The following TDRD9 variants were observed in gnomAD, a reference collection of about 807,000 sequenced individuals.
TDRD9 encodes ATP-dependent RNA helicase TDRD9.
Under a neutral mutation model 172.6 loss-of-function variants are expected in TDRD9, and 124 were observed. The observed-to-expected ratio is 0.72, with a 90% CI of 0.62 to 0.83. The LOEUF is 0.83. Among genes scored for constraint, TDRD9 ranks in the 40% least tolerant of loss-of-function variants. The probability of loss-of-function intolerance (pLI) is 0.00; values close to 1 mark genes in which losing one functional copy is unlikely to be tolerated. For missense variants in TDRD9, 1,479 were observed against 1,714.1 expected (o/e 0.86, Z 2.42); for synonymous variants, 619 against 617.1 (o/e 1.00, Z -0.05).
At chr14:103,941,203 C>T in intron 1 of TDRD9, 1 of 1,053,544 alleles carries the variant, frequency 9.5e-7, no homozygotes, top group Non-Finnish European at 1.3e-6. Context: ...AGTTACCCAC[C>T]TTTTGAGTAT....
intron 1 of TDRD9, chr14:103,940,961 A>G: frequency 6.5e-7 from 1 of 1,535,422 alleles, no homozygotes; most frequent in Non-Finnish European, 8.7e-7. Context: ...GAAGGAGCAG[A>G]GCAGTCCATG....
Position 104,026,756 on chromosome 14 carries a change from C to G in TDRD9, c.3099C>G (p.Ala1033=). 6.2e-7 allele frequency: 1 copy of G among 1,613,962 alleles called. No individual in the cohort carries two copies. The highest frequency in any genetic ancestry group is 1.3e-5 in the African/African-American group (1 of 75,032). The part of the protein sequence containing the change: ...LVCGKHWSDG[A]SQWFASLVSG... ...GTGGCAAGCACTGGAGTGACGGGGC[C>G]AGCCAGTGGTTCGCCTCTCTGGTGA... The change falls in exon 28 of 36, where the codon GCC becomes GCG. Residue 1033 remains alanine, a synonymous_variant. Coordinates refer to ENST00000409874, the MANE Select transcript of TDRD9 (RefSeq NM_153046.3).
At chr14:103,995,726 GC>G in intron 11 of TDRD9, 23 bp from the exon 12 acceptor site, 1 of 1,575,048 alleles carries the variant, frequency 6.3e-7, no homozygotes, top group Non-Finnish European at 8.6e-7. Context: ...AGGAATGTCA[GC>G]TTTTTTCTTT....
At chr14:103,987,196 C>A (rs1366816434) in intron 8 of TDRD9, among the ~76,000 whole-genome samples, 3 of 151,728 alleles carry the variant, frequency 2.0e-5, no homozygotes. Flanking sequence ...ACTAATTTTA[C>A]TACATCTGTC....
At chr14:104,004,417 G>A (rs1300356081) in intron 14 of TDRD9, 82 bp downstream of exon 14, 1 of 775,462 alleles carries the variant, frequency 1.3e-6, no homozygotes, top group African/African-American at 1.7e-5. Context: ...GTCTTGCACT[G>A]TTGTCTGGAC....
chr14:103,969,319 G>A (rs923393016), intron 5 of TDRD9, among the ~76,000 whole-genome samples: 26 of 151,922 alleles, frequency 1.7e-4, no homozygotes, highest in Non-Finnish European at 2.1e-4. Flanking sequence ...AGTGGGTTGC[G>A]GGGCAGAGGG....
rs190430749 is a variant in TDRD9, at chr14:104,032,267, C to T, written c.3509+180C>T. Among the ~76,000 whole-genome samples, 248 of 152,008 alleles carry T rather than the reference C, an allele frequency of 1.6e-3. 2 individuals are homozygous for T. The Middle Eastern group carries it at 0.031, about 19-fold the overall frequency. On this transcript the variant is annotated intron_variant, in intron 30 of 35. Coordinates refer to ENST00000409874, the MANE Select transcript of TDRD9 (RefSeq NM_153046.3). Reference sequence around the variant, plus strand: ...TGTCATTCAGGCTGGAGTGCAGTGGCGCAATCTTGGCTCACTGCAACCTCC... The same window carrying T: ...TGTCATTCAGGCTGGAGTGCAGTGGTGCAATCTTGGCTCACTGCAACCTCC...
At chr14:104,037,010 CACTCTG>C (rs2035469552) in intron 32 of TDRD9, among the ~76,000 whole-genome samples, 1 of 151,662 alleles carries the variant, frequency 6.6e-6, no homozygotes, top group Non-Finnish European at 1.5e-5. Context: ...GACAGGGTCT[CACTCTG>C]TCTCTAAGGT....
chr14:103,960,904 T>C (rs2032478445), intron 2 of TDRD9, among the ~76,000 whole-genome samples: 1 of 152,262 alleles, frequency 6.6e-6, no homozygotes, highest in Non-Finnish European at 1.5e-5. Flanking sequence ...TGAAGTCTTT[T>C]AGCAAAACGA....
At chr14:103,941,586 T>G in intron 1 of TDRD9, 1 of 1,535,222 alleles carries the variant, frequency 6.5e-7, no homozygotes, top group Non-Finnish European at 8.7e-7. Context: ...CTCCTTTAGG[T>G]GCCATTTTAA....
chr14:103,979,187 A>G (rs956365001), intron 7 of TDRD9, among the ~76,000 whole-genome samples: 20 of 152,156 alleles, frequency 1.3e-4, no homozygotes, highest in Non-Finnish European at 1.5e-5. Context: ...AATGTCCTCC[A>G]GTTTCATCCA....
chr14:103,928,921 G>T, intron 1 of TDRD9, 197 bp downstream of exon 1: 32 of 168,914 alleles, frequency 1.9e-4, no homozygotes, highest in Admixed American at 2.2e-4. Context: ...AGCTGAGCTA[G>T]AGGTTTTTTT....
chr14:103,981,411 T>C (rs1296564688), intron 7 of TDRD9, among the ~76,000 whole-genome samples: 10 of 152,208 alleles, frequency 6.6e-5, no homozygotes, highest in African/African-American at 2.2e-4. Context: ...ACAACCCAGC[T>C]TCTAGGCACC....
intron 7 of TDRD9, among the ~76,000 whole-genome samples, chr14:103,982,928 A>C (rs1265768574): frequency 2.0e-5 from 3 of 152,128 alleles, no homozygotes; most frequent in Non-Finnish European, 4.4e-5. Context: ...CAAAATTATA[A>C]AGAACACACT....
At chr14:103,955,033 C>T (rs1000197731) in intron 1 of TDRD9, among the ~76,000 whole-genome samples, 2 of 152,124 alleles carry the variant, frequency 1.3e-5, no homozygotes, top group African/African-American at 4.8e-5. Context: ...TCAAGGGATC[C>T]TCCAGCCCCA....
intron 11 of TDRD9, 58 bp downstream of exon 11, chr14:103,994,661 C>T (rs1445825336): frequency 1.4e-6 from 2 of 1,415,236 alleles, no homozygotes; most frequent in African/African-American, 2.8e-5. Flanking sequence ...CTTAGAGACT[C>T]TACTCATGAA....
At position 104,034,918 on chromosome 14, in the gene TDRD9, C is replaced by T. The variant is rs770365341; in HGVS notation, c.3620-42C>T. On this transcript the variant is annotated intron_variant, in intron 31 of 35. Coordinates refer to ENST00000409874, the MANE Select transcript of TDRD9 (RefSeq NM_153046.3). ...CGGGAGGGAACGCTGCCCTGAGCAG[C>T]GTGAGTTAATGCCCGATGTTGATTT... 56 of 1,477,616 alleles carry T rather than the reference C, an allele frequency of 3.8e-5. No homozygotes were observed. In the Middle Eastern group the frequency reaches 1.9e-3, roughly 49 times the overall value. 91.5% of individuals were successfully genotyped at this position (1,477,616 alleles called of 1,614,324 possible).
At position 103,987,136 on chromosome 14, in the gene TDRD9, A is replaced by G. The variant is rs1318327143; in HGVS notation, c.1115+816A>G. 9.9e-4 allele frequency among the ~76,000 whole-genome samples: 150 copies of G among 151,088 alleles called. 3 individuals are homozygous for G. Among genetic ancestry groups the G allele is most frequent in the East Asian group, 2.9e-3 (15 of 5,132 alleles). On this transcript the variant is annotated intron_variant, in intron 8 of 35. Transcript: ENST00000409874. The stretch of plus-strand genomic sequence containing the variant: ...TCAAAAAATATATACACACACACAC[A>G]CACACACACACACACACACACACAC...
intron 1 of TDRD9, among the ~76,000 whole-genome samples, chr14:103,942,638 T>C (rs1353760482): frequency 6.6e-6 from 1 of 152,228 alleles, no homozygotes; most frequent in Non-Finnish European, 1.5e-5. Flanking sequence ...ATTCTTCAGC[T>C]TAACTTTCAG....
Sources: allele counts gnomAD v4.1 joint callset (sites outside exome capture counted in the v4.1 genomes callset), GRCh38; gene constraint gnomAD v4.1.1; transcripts MANE v1.5; gene names NCBI Gene and HGNC (gene_info 2026-07-23, HGNC 2026-07-21).